MTRF1: variants seen among roughly 807,000 people sequenced by gnomAD.
MTRF1 encodes the protein peptide chain release factor 1, mitochondrial.
A neutral mutation model predicts 62.9 loss-of-function variants in MTRF1; 51 were observed. The observed-to-expected ratio is 0.81, with a 90% CI of 0.65 to 1.02. The LOEUF (loss-of-function observed/expected upper bound fraction) is 1.02. MTRF1 is among the 50% of genes least tolerant of loss of function. MTRF1 has a pLI of 0.00. For missense variants in MTRF1, 446 were observed against 530.0 expected (o/e 0.84, Z 1.56); for synonymous variants, 158 against 181.9 (o/e 0.87, Z 1.06).
At chr13:41,260,412 TGTAC>T in intron 2 of MTRF1, 77 bp downstream of exon 2, 2 of 1,240,086 alleles carry the variant, frequency 1.6e-6, no homozygotes, top group Non-Finnish European at 2.2e-6. Flanking sequence ...AAATCAAATC[TGTAC>T]TTACACACAC....
intron 5 of MTRF1, among the ~76,000 whole-genome samples, chr13:41,249,218 TTTC>T (rs1428962147): frequency 6.6e-6 from 1 of 152,202 alleles, no homozygotes; most frequent in Admixed American, 6.5e-5. Context: ...TCCACACCCT[TTTC>T]TTCTCCTAAC....
chr13:41,252,392 AAGTTCCTC>A (rs1435676786), intron 5 of MTRF1: 1 of 288,384 alleles, frequency 3.5e-6, no homozygotes, highest in Admixed American at 4.8e-5. Flanking sequence ...ATACGTATCT[AAGTTCCTC>A]AGGGGAATTT....
intron 6 of MTRF1, among the ~76,000 whole-genome samples, chr13:41,239,057 C>T (rs972548159): frequency 1.3e-5 from 2 of 151,034 alleles, no homozygotes; most frequent in African/African-American, 4.9e-5. Context: ...CTTAAAGAAA[C>T]ATAGCAACTA....
intron 7 of MTRF1, among the ~76,000 whole-genome samples, chr13:41,228,569 AAAAG>A (rs1424267595): frequency 3.9e-5 from 6 of 152,152 alleles, no homozygotes; most frequent in Non-Finnish European, 7.4e-5. Context: ...ACCCAGTCTC[AAAAG>A]AAAGAAAGAA....
chr13:41,237,680 G>A (rs542489579), intron 6 of MTRF1, among the ~76,000 whole-genome samples: 27 of 152,210 alleles, frequency 1.8e-4, no homozygotes, highest in African/African-American at 6.3e-4. Context: ...CGTATTTTTA[G>A]TAGAGACAGG....
intron 7 of MTRF1, among the ~76,000 whole-genome samples, chr13:41,228,452 G>C (rs2034877805): frequency 6.6e-6 from 1 of 152,122 alleles, no homozygotes; most frequent in Admixed American, 6.6e-5. Flanking sequence ...TATAGTCCCA[G>C]CTACTCAGGG....
chr13:41,257,805 A>G, intron 2 of MTRF1: 1 of 449,942 alleles, frequency 2.2e-6, no homozygotes, highest in Admixed American at 2.4e-5. Context: ...CTCTTAAAAG[A>G]AACAAAAAGG....
chr13:41,287,132 T>C, the MTRF1 span, among the ~76,000 whole-genome samples: 1 of 152,214 alleles, frequency 6.6e-6, no homozygotes, highest in South Asian at 2.1e-4. Context: ...TGCATTGCTA[T>C]AAAGAACAAC....
intron 5 of MTRF1, among the ~76,000 whole-genome samples, chr13:41,247,406 G>A (rs1431509275): frequency 6.6e-6 from 1 of 152,194 alleles, no homozygotes; most frequent in Non-Finnish European, 1.5e-5. Context: ...CACATCAACA[G>A]CTGTATACCA....
In MTRF1 at chr13:41,240,335, CCT is replaced by C. The variant is rs763973119; in HGVS notation, c.794_795del (p.Glu265GlyfsTer25). 2 of 1,613,970 alleles carry C rather than the reference CCT, an allele frequency of 1.2e-6. No individual in the cohort carries two copies. Among genetic ancestry groups the C allele is most frequent in the Non-Finnish European group, 1.7e-6 (2 of 1,179,946 alleles). On this transcript the variant is annotated frameshift_variant, in exon 6 of 10. Transcript: ENST00000379480. LOFTEE classifies it high-confidence loss of function. The stretch of plus-strand genomic sequence containing the variant: ...CGCTGCATCCTTGAGGACAGGCCCA[CCT>C]CGGGGATGCGCTGAACTCGGTGAAT... ...GGIHRVQRIP[E>X]VGLSSRMQRI...
chr13:41,300,585 C>CA, the MTRF1 span, among the ~76,000 whole-genome samples: 2,266 of 75,276 alleles, frequency 0.03, 38 homozygotes, highest in African/African-American at 0.07. Flanking sequence ...GACTCCGTCT[C>CA]AAAAAAAAAA....
chr13:41,235,695 C>G (rs945257321), intron 6 of MTRF1: 3 of 153,144 alleles, frequency 2.0e-5, no homozygotes, highest in African/African-American at 4.8e-5. Flanking sequence ...CTCCCCAGAG[C>G]CTTCAGAGAG....
chr13:41,248,236 C>T (rs913142821), intron 5 of MTRF1, among the ~76,000 whole-genome samples: 1 of 152,224 alleles, frequency 6.6e-6, no homozygotes, highest in Non-Finnish European at 1.5e-5. Context: ...ATTCTCCTAT[C>T]TCAGCCTCCT....
the MTRF1 span, among the ~76,000 whole-genome samples, chr13:41,286,106 A>G: frequency 3.3e-4 from 49 of 147,668 alleles, no homozygotes; most frequent in African/African-American, 1.2e-3. Context: ...AAAAAAAAAA[A>G]GGGAAAACTG....
At chr13:41,226,223 TCTTACATTTA>T (rs1208952192) in intron 8 of MTRF1, among the ~76,000 whole-genome samples, 199 bp downstream of exon 8, 1 of 152,234 alleles carries the variant, frequency 6.6e-6, no homozygotes, top group Non-Finnish European at 1.5e-5. Flanking sequence ...AGTTTATACA[TCTTACATTTA>T]CTAACTTGCA....
intron 1 of MTRF1, chr13:41,261,712 G>T: frequency 1.4e-6 from 1 of 735,776 alleles, no homozygotes; most frequent in Non-Finnish European, 1.7e-6. Flanking sequence ...TATTCAGTCG[G>T]CTGGATGGAG....
At position 41,259,712 on chromosome 13, in the gene MTRF1, A is replaced by AAAAAACAAAAAAAAAAAAAC. The variant is rs57661393; in HGVS notation, c.415+780_415+781insGTTTTTTTTTTTTTGTTTTT. On this transcript the variant is annotated intron_variant, in intron 2 of 9. Coordinates refer to ENST00000379480, the MANE Select transcript of MTRF1 (RefSeq NM_004294.4). ...GCGAGACTCCGTCTCAAAAAAAAAAAAAAAAAAAACATAAAAATAAAAAAT... is the reference window on the plus strand; with the variant it reads ...GCGAGACTCCGTCTCAAAAAAAAAAAAAAAACAAAAAAAAAAAAACAAAAAAAAACATAAAAATAAAAAAT... Among the ~76,000 whole-genome samples, 324 of 136,746 alleles carry AAAAAACAAAAAAAAAAAAAC rather than the reference A, an allele frequency of 2.4e-3. 7 individuals are homozygous for AAAAAACAAAAAAAAAAAAAC. The highest frequency in any genetic ancestry group is 0.013 in the East Asian group (62 of 4,852). 89.7% of individuals were successfully genotyped at this position (136,746 alleles called of 152,430 possible).
intron 7 of MTRF1, among the ~76,000 whole-genome samples, chr13:41,233,282 G>T (rs1055755135): frequency 6.6e-6 from 1 of 152,176 alleles, no homozygotes; most frequent in Non-Finnish European, 1.5e-5. Context: ...GGAACTGAGA[G>T]TAGAGGAAGT....
chr13:41,288,040 AGACATTTTCAAAT>A, the MTRF1 span: 1 of 399,734 alleles, frequency 2.5e-6, no homozygotes, highest in South Asian at 2.0e-5. Flanking sequence ...CACTCTGCAC[AGACATTTTCAAAT>A]GATGCAAGAC....
Sources: gnomAD v4.1 joint callset for allele counts (sites outside exome capture counted in the v4.1 genomes callset) on GRCh38, gnomAD v4.1.1 for gene constraint, MANE v1.5 for transcripts, NCBI Gene and HGNC (gene_info 2026-07-23, HGNC 2026-07-21) for gene names.